CHST9: variants seen among roughly 807,000 people sequenced by gnomAD.
CHST9 encodes carbohydrate sulfotransferase 9.
CHST9 carries 41 observed loss-of-function variants against 44.4 expected under a neutral mutation model. The observed-to-expected ratio is 0.92, with a 90% CI of 0.72 to 1.20. The LOEUF is 1.20. CHST9 is among the 50% of genes most tolerant of loss of function. The pLI is 0.00. For missense variants in CHST9, 504 were observed against 516.5 expected, an observed-to-expected ratio of 0.98 and a Z score of 0.23; for synonymous variants, 171 against 178.4, an observed-to-expected ratio of 0.96 and a Z score of 0.33.
chr18:26,970,625 AC>A (rs1307209797), intron 4 of CHST9, among the ~76,000 whole-genome samples: 1 of 152,232 alleles, frequency 6.6e-6, no homozygotes, highest in Middle Eastern at 3.4e-3. Flanking sequence ...ATGGGGTTTC[AC>A]CATGTTGCCC....
intron 4 of CHST9, among the ~76,000 whole-genome samples, chr18:26,981,627 A>T (rs535203999): frequency 9.5e-4 from 145 of 152,332 alleles, no homozygotes; most frequent in Non-Finnish European, 1.7e-3. Context: ...GGCACATGGA[A>T]TTTGGAGGTA....
At chr18:26,931,065 T>G (rs1261310413) in intron 5 of CHST9, among the ~76,000 whole-genome samples, 1 of 152,160 alleles carries the variant, frequency 6.6e-6, no homozygotes, top group Non-Finnish European at 1.5e-5. Flanking sequence ...GGAAGGGGAT[T>G]GTTGATGCAT....
At position 27,048,421 on chromosome 18, in the gene CHST9, T is replaced by C. The variant is rs532845739; in HGVS notation, c.160+44A>G. The C allele has an allele frequency of 3.3e-6, 5 of 1,521,686 alleles. No individual in the cohort carries two copies. In the African/African-American group the frequency reaches 4.2e-5, roughly 13 times the overall value. The allele number at this position is 1,521,686 out of a possible 1,614,324, so 94.3% of individuals were successfully genotyped here. A position where few individuals can be genotyped will look rare whatever the true frequency, so the allele number is the denominator to read the frequency against. On this transcript the variant is annotated intron_variant, in intron 3 of 5. Coordinates refer to ENST00000618847, the MANE Select transcript of CHST9 (RefSeq NM_031422.6). ...ATTTTAAAAAATTTAAAGGTGGAAA[T>C]AAAATCAGGAAATAAAGCTGGAGCC...
intron 1 of CHST9, among the ~76,000 whole-genome samples, chr18:27,157,909 GTTAGT>G (rs1254442378): frequency 1.3e-5 from 2 of 152,000 alleles, no homozygotes; most frequent in African/African-American, 4.8e-5. Context: ...GTTAATTTTA[GTTAGT>G]TTAGTTAACT....
At chr18:27,057,485 T>C (rs2057670473) in intron 2 of CHST9, among the ~76,000 whole-genome samples, 1 of 152,252 alleles carries the variant, frequency 6.6e-6, no homozygotes, top group Admixed American at 6.5e-5. Context: ...AGCCTCTATA[T>C]GGCTGTGAAT....
chr18:27,006,356 C>A (rs2057015631), intron 4 of CHST9, among the ~76,000 whole-genome samples: 1 of 152,126 alleles, frequency 6.6e-6, no homozygotes, highest in East Asian at 1.9e-4. Context: ...AGAAAGAAGT[C>A]CACCAATTCC....
At chr18:27,027,442 A>C (rs1363937504) in intron 3 of CHST9, among the ~76,000 whole-genome samples, 1 of 152,252 alleles carries the variant, frequency 6.6e-6, no homozygotes, top group Non-Finnish European at 1.5e-5. Flanking sequence ...AGTGAAGTTT[A>C]GGTCCTTTGG....
At chr18:26,985,308 C>T (rs2056741251) in intron 4 of CHST9, among the ~76,000 whole-genome samples, 1 of 152,172 alleles carries the variant, frequency 6.6e-6, no homozygotes, top group Non-Finnish European at 1.5e-5. Flanking sequence ...ACTTTTGCTT[C>T]TGATCAAGAT....
At chr18:27,053,329 T>C (rs1480375050) in intron 2 of CHST9, among the ~76,000 whole-genome samples, 1 of 50,582 alleles carries the variant, frequency 2.0e-5, no homozygotes, top group Non-Finnish European at 4.4e-5. Context: ...AAGGAGAAGA[T>C]TTCATTAAAA....
intron 5 of CHST9, among the ~76,000 whole-genome samples, chr18:26,929,888 G>T (rs2055845417): frequency 6.6e-6 from 1 of 152,162 alleles, no homozygotes. Flanking sequence ...CCAGGAAGCA[G>T]CATATACCTG....
intron 2 of CHST9, among the ~76,000 whole-genome samples, chr18:27,110,564 G>C (rs1489856171): frequency 1.3e-5 from 2 of 152,132 alleles, no homozygotes; most frequent in Admixed American, 1.3e-4. Flanking sequence ...AAAGATTATA[G>C]GATGGTCCAG....
chr18:27,184,582 C>T (rs1173107072), intron 1 of CHST9, among the ~76,000 whole-genome samples: 2 of 152,124 alleles, frequency 1.3e-5, no homozygotes, highest in Non-Finnish European at 2.9e-5. Context: ...TCCCTCCCAC[C>T]TCTCCCGCAG....
chr18:27,064,269 G>A (rs886154197), intron 2 of CHST9, among the ~76,000 whole-genome samples: 10 of 147,464 alleles, frequency 6.8e-5, no homozygotes, highest in South Asian at 4.3e-4. Flanking sequence ...GCCTTACAGC[G>A]AAAAAAAAAA....
chr18:26,984,687 A>C (rs866765510), intron 4 of CHST9, among the ~76,000 whole-genome samples: 5 of 151,746 alleles, frequency 3.3e-5, no homozygotes, highest in Non-Finnish European at 7.4e-5. Flanking sequence ...AAAATGACAA[A>C]GAATTTGAAG....
chr18:27,162,821 C>T (rs2058758602), intron 1 of CHST9, among the ~76,000 whole-genome samples: 1 of 152,198 alleles, frequency 6.6e-6, no homozygotes, highest in Non-Finnish European at 1.5e-5. Flanking sequence ...TCGTCAAAGT[C>T]ATTCTCCATC....
chr18:27,047,006 TG>T (rs2057509152), intron 3 of CHST9, among the ~76,000 whole-genome samples: 1 of 152,078 alleles, frequency 6.6e-6, no homozygotes, highest in South Asian at 2.1e-4. Context: ...AGCAAGTAAC[TG>T]AACAAAGCAT....
At chr18:27,147,925 G>A (rs982391986) in intron 1 of CHST9, 5 of 144,224 alleles carry the variant, frequency 3.5e-5, no homozygotes, top group Non-Finnish European at 6.0e-5. Flanking sequence ...ATAAACTCAC[G>A]TAACAGGGGT....
At chr18:26,960,902 A>G (rs1355440847) in intron 4 of CHST9, among the ~76,000 whole-genome samples, 1 of 152,210 alleles carries the variant, frequency 6.6e-6, no homozygotes, top group African/African-American at 2.4e-5. Context: ...TGTTTTATGA[A>G]TATTTGTCCT....
intron 3 of CHST9, among the ~76,000 whole-genome samples, chr18:27,040,678 T>C (rs1450343736): frequency 1.3e-5 from 2 of 152,156 alleles, no homozygotes; most frequent in East Asian, 1.9e-4. Context: ...ACAATGTATA[T>C]GATTGATTTC....
Sources: allele counts gnomAD v4.1 joint callset (sites outside exome capture counted in the v4.1 genomes callset), GRCh38; gene constraint gnomAD v4.1.1; transcripts MANE v1.5; gene names NCBI Gene and HGNC (gene_info 2026-07-23, HGNC 2026-07-21).